DOCK9: variants seen among roughly 807,000 people sequenced by gnomAD.
DOCK9 encodes dedicator of cytokinesis 9, also known as dedicator of cytokinesis protein 9.
DOCK9 carries 89 observed loss-of-function variants against 263.3 expected under a neutral mutation model. That is an observed-to-expected ratio of 0.34 (90% confidence interval 0.28 to 0.40). The LOEUF (loss-of-function observed/expected upper bound fraction) is 0.40. Among genes scored for constraint, DOCK9 ranks in the 10% least tolerant of loss-of-function variants. The pLI is 1.00. For missense variants in DOCK9, 2,140 were observed against 2,603.4 expected (o/e 0.82, Z 3.87); for synonymous variants, 976 against 973.1 (o/e 1.00, Z -0.06).
At chr13:98,904,603 T>G (rs1365536908) in intron 10 of DOCK9, 29 bp downstream of exon 10, 1 of 1,497,876 alleles carries the variant, frequency 6.7e-7, no homozygotes, top group Non-Finnish European at 9.0e-7. Flanking sequence ...CATTTGGTTT[T>G]AAATATTAAA....
chr13:98,800,159 G>C (rs1312731709), intron 50 of DOCK9, 129 bp downstream of exon 50: 1 of 992,894 alleles, frequency 1.0e-6, no homozygotes, highest in Non-Finnish European at 1.4e-6. Context: ...ACAGACGTTG[G>C]GGGAAGGGAG....
At chr13:98,904,052 G>A (rs1330346119) in intron 10 of DOCK9, among the ~76,000 whole-genome samples, 1 of 152,144 alleles carries the variant, frequency 6.6e-6, no homozygotes, top group Non-Finnish European at 1.5e-5. Flanking sequence ...TGGTGGTAAT[G>A]GTTGTACAAC....
At chr13:98,904,796 G>A (rs1486880311) in intron 9 of DOCK9, 90 bp from the exon 10 acceptor site, 2 of 1,134,746 alleles carry the variant, frequency 1.8e-6, no homozygotes, top group Non-Finnish European at 1.2e-6. Flanking sequence ...CAGTCCTGAA[G>A]GTTGAGGCTG....
intron 45 of DOCK9, among the ~76,000 whole-genome samples, chr13:98,823,165 A>G (rs1294984036): frequency 6.6e-6 from 1 of 151,672 alleles, no homozygotes; most frequent in African/African-American, 2.4e-5. Flanking sequence ...AGTATTTTCC[A>G]TTTTTACAAC....
exon 1 of DOCK9, chr13:99,086,497 G>T: frequency 2.4e-6 from 1 of 425,258 alleles, no homozygotes; most frequent in Non-Finnish European, 3.1e-6. Context: ...CTCGCCGCGA[G>T]TCCGGCCGCC....
At chr13:99,004,782 TAGACACAC>T (rs1361028594) in intron 1 of DOCK9, among the ~76,000 whole-genome samples, 1 of 86,278 alleles carries the variant, frequency 1.2e-5, no homozygotes, top group Non-Finnish European at 2.4e-5. Flanking sequence ...CAAAAAACTA[TAGACACAC>T]ACACACACAC....
At chr13:98,864,910 T>C (rs2093978714) in intron 30 of DOCK9, among the ~76,000 whole-genome samples, 1 of 152,072 alleles carries the variant, frequency 6.6e-6, no homozygotes. Flanking sequence ...TCACTCCTCG[T>C]CTCTTGCTCC....
At chr13:98,806,234 T>C (rs1468666957) in intron 48 of DOCK9, among the ~76,000 whole-genome samples, 1 of 152,254 alleles carries the variant, frequency 6.6e-6, no homozygotes, top group Non-Finnish European at 1.5e-5. Flanking sequence ...CAGATTAATC[T>C]AGACTAATCT....
chr13:98,902,520 AC>A (rs1342390237), intron 11 of DOCK9, 29 bp from the exon 12 acceptor site: 8 of 1,599,332 alleles, frequency 5.0e-6, no homozygotes, highest in Non-Finnish European at 6.8e-6. Context: ...TCCAATGATC[AC>A]CATGGCTCAA....
At chr13:99,001,849 G>A (rs1480367960) in intron 1 of DOCK9, among the ~76,000 whole-genome samples, 2 of 152,272 alleles carry the variant, frequency 1.3e-5, no homozygotes, top group Non-Finnish European at 2.9e-5. Flanking sequence ...TTTTCTATTT[G>A]TTTTCTTAAA....
At chr13:99,026,902 C>CTAACAGAGTACTCTAGCAGAGTACCTT (rs1337360362) in intron 1 of DOCK9, among the ~76,000 whole-genome samples, 6 of 152,318 alleles carry the variant, frequency 3.9e-5, no homozygotes, top group African/African-American at 1.2e-4. Flanking sequence ...CAGAGTACCT[C>CTAACAGAGTACTCTAGCAGAGTACCTT]TAACAGAGTA....
At position 99,075,537 on chromosome 13, in the gene DOCK9, T is replaced by A. The variant is rs1219336106; in HGVS notation, c.129+10686A>T. On this transcript the variant is annotated intron_variant, in intron 1 of 32. Transcript: ENST00000427887. The stretch of plus-strand genomic sequence containing the variant: ...CCCAGCTAATTTTTTCTTTCCTTTT[T>A]TTCTTTTTTTTAGAGATGGGTTCTC... Among the ~76,000 whole-genome samples, 3 of 152,046 alleles carry A rather than the reference T, an allele frequency of 2.0e-5. No homozygotes were observed. In the East Asian group the frequency reaches 5.8e-4, roughly 29 times the overall value.
chr13:98,941,138 A>G (rs1272609037), intron 2 of DOCK9, among the ~76,000 whole-genome samples: 2 of 152,192 alleles, frequency 1.3e-5, no homozygotes, highest in African/African-American at 2.4e-5. Context: ...AACACGTACC[A>G]TTCTGCTAAG....
chr13:98,850,029 A>C lies in DOCK9; in HGVS notation c.4013+18T>G. 1 of 1,546,242 alleles carries C rather than the reference A, an allele frequency of 6.5e-7. No homozygotes were observed. The highest frequency in any genetic ancestry group is 1.7e-4 in the Middle Eastern group (1 of 5,884). On this transcript the variant is annotated intron_variant, in intron 36 of 52. Coordinates refer to ENST00000682017, the MANE Select transcript of DOCK9 (RefSeq NM_001366683.2). Reference sequence around the variant, plus strand: ...AGGAAAAAATCAAGAGGCAGTGATCAAAGAGAAAGCTACTTACTCAGATAT... The same window carrying C: ...AGGAAAAAATCAAGAGGCAGTGATCCAAGAGAAAGCTACTTACTCAGATAT...
chr13:98,864,535 A>G (rs2093964698), intron 30 of DOCK9, among the ~76,000 whole-genome samples: 1 of 152,168 alleles, frequency 6.6e-6, no homozygotes, highest in African/African-American at 2.4e-5. Context: ...GAAGGGGGAG[A>G]GTATTCATTT....
intron 39 of DOCK9, among the ~76,000 whole-genome samples, chr13:98,835,480 T>C (rs1020369035): frequency 1.3e-5 from 2 of 152,086 alleles, no homozygotes; most frequent in South Asian, 2.1e-4. Context: ...AGGTGAGCTT[T>C]AAACAGGAAA....
chr13:98,934,304 G>C (rs1406301781), intron 2 of DOCK9, among the ~76,000 whole-genome samples: 1 of 152,132 alleles, frequency 6.6e-6, no homozygotes, highest in Non-Finnish European at 1.5e-5. Flanking sequence ...ATGGTGACAG[G>C]AAGTACAAGG....
At chr13:98,846,191 G>C in intron 37 of DOCK9, 131 bp from the exon 38 acceptor site, 1 of 1,128,080 alleles carries the variant, frequency 8.9e-7, no homozygotes, top group Non-Finnish European at 1.3e-6. Context: ...CAGTGGAGCA[G>C]CCAGAGACAC....
At chr13:98,927,535 T>C (rs765833297) in intron 3 of DOCK9, among the ~76,000 whole-genome samples, 65 of 152,188 alleles carry the variant, frequency 4.3e-4, no homozygotes, top group Non-Finnish European at 8.2e-4. Flanking sequence ...AAGTATAAAA[T>C]GTACCTGCCC....
Sources: gnomAD v4.1 joint callset for allele counts (sites outside exome capture counted in the v4.1 genomes callset) on GRCh38, gnomAD v4.1.1 for gene constraint, MANE v1.5 for transcripts, NCBI Gene and HGNC (gene_info 2026-07-23, HGNC 2026-07-21) for gene names.